SLIT2: variants seen among roughly 807,000 people sequenced by gnomAD.
The protein encoded by SLIT2 is slit guidance ligand 2, also known as slit homolog 2 protein.
Under a neutral mutation model 185.7 loss-of-function variants are expected in SLIT2, and 41 were observed. The ratio of observed to expected loss-of-function variants is 0.22; its 90% CI spans 0.17 to 0.29. The LOEUF is 0.29. Among genes scored for constraint, SLIT2 ranks in the 10% least tolerant of loss-of-function variants. The pLI is 1.00. For missense variants in SLIT2, 1,571 were observed against 1,909.0 expected (o/e 0.82, Z 3.30); for synonymous variants, 693 against 680.2 (o/e 1.02, Z -0.29).
intron 3 of SLIT2, among the ~76,000 whole-genome samples, chr4:20,266,562 A>T (rs1002868083): frequency 3.3e-5 from 5 of 152,026 alleles, no homozygotes; most frequent in African/African-American, 1.2e-4. Flanking sequence ...ATCTGTTCTC[A>T]TTCAGCATTT....
chr4:20,518,649 G>A (rs1205117509), intron 11 of SLIT2, among the ~76,000 whole-genome samples: 15 of 77,742 alleles, frequency 1.9e-4, no homozygotes, highest in African/African-American at 3.1e-4. Context: ...CTGTCGCCCA[G>A]GCTGGAGTGC....
intron 4 of SLIT2, among the ~76,000 whole-genome samples, chr4:20,396,640 G>C (rs970519585): frequency 1.3e-5 from 2 of 151,262 alleles, no homozygotes. Flanking sequence ...AGCAATTCAG[G>C]GTCCTCTGAG....
At chr4:20,530,297 TC>T in intron 16 of SLIT2, among the ~76,000 whole-genome samples, 1 of 149,914 alleles carries the variant, frequency 6.7e-6, no homozygotes, top group Non-Finnish European at 1.5e-5. Flanking sequence ...TGAGACAGAG[TC>T]TCACTATCTC....
intron 4 of SLIT2, among the ~76,000 whole-genome samples, chr4:20,420,117 T>G (rs1184197286): frequency 6.6e-6 from 1 of 152,210 alleles, no homozygotes; most frequent in Non-Finnish European, 1.5e-5. Context: ...TTTAGGCTCA[T>G]AGTTCATTGC....
intron 4 of SLIT2, among the ~76,000 whole-genome samples, chr4:20,427,939 C>T (rs949950006): frequency 6.6e-6 from 1 of 152,018 alleles, no homozygotes; most frequent in African/African-American, 2.4e-5. Context: ...AGAAGAAAAC[C>T]CATTTTGAGT....
rs746553643 is a variant in SLIT2 at position 20,307,406 on chromosome 4, G to A, written c.395+38525G>A. Reference sequence around the variant, plus strand: ...GCCTCCCACGTGGCTGACACTGCAGGAGCACACCACCACACTCGGATAAAT... The same window carrying A: ...GCCTCCCACGTGGCTGACACTGCAGAAGCACACCACCACACTCGGATAAAT... On this transcript the variant is annotated intron_variant, in intron 4 of 36. Transcript: ENST00000504154. 9.8e-4 allele frequency among the ~76,000 whole-genome samples: 149 copies of A among 151,518 alleles called. 1 individual carries two copies. In the Middle Eastern group the frequency reaches 0.01, roughly 10 times the overall value.
intron 9 of SLIT2, among the ~76,000 whole-genome samples, chr4:20,509,566 G>C (rs2148823794): frequency 6.6e-6 from 1 of 152,250 alleles, no homozygotes; most frequent in African/African-American, 2.4e-5. Flanking sequence ...AAATGAGCCT[G>C]GGATATATGG....
At chr4:20,352,722 G>C (rs1007445332) in intron 4 of SLIT2, among the ~76,000 whole-genome samples, 1 of 152,098 alleles carries the variant, frequency 6.6e-6, no homozygotes, top group African/African-American at 2.4e-5. Context: ...GATCACCCTG[G>C]CTCAACATGG....
At chr4:20,559,724 G>A (rs920544701) in intron 26 of SLIT2, among the ~76,000 whole-genome samples, 1 of 151,826 alleles carries the variant, frequency 6.6e-6, no homozygotes, top group East Asian at 1.9e-4. Flanking sequence ...GAGTTATTAA[G>A]CAATTTTTAA....
At chr4:20,462,318 T>C (rs1713817843) in intron 4 of SLIT2, among the ~76,000 whole-genome samples, 1 of 152,214 alleles carries the variant, frequency 6.6e-6, no homozygotes, top group Non-Finnish European at 1.5e-5. Context: ...CTTTGGAAAA[T>C]TCCGTAGTGT....
At chr4:20,509,159 A>G (rs1280750612) in intron 9 of SLIT2, among the ~76,000 whole-genome samples, 1 of 151,214 alleles carries the variant, frequency 6.6e-6, no homozygotes, top group East Asian at 1.9e-4. Flanking sequence ...ATATGTATAC[A>G]TACATATATA....
intron 4 of SLIT2, among the ~76,000 whole-genome samples, chr4:20,396,006 G>C (rs1053170647): frequency 6.6e-6 from 1 of 151,796 alleles, no homozygotes; most frequent in Admixed American, 6.6e-5. Flanking sequence ...TATACTATTA[G>C]TAGTAAATAT....
At chr4:20,303,435 A>G (rs1402739687) in intron 4 of SLIT2, among the ~76,000 whole-genome samples, 1 of 152,164 alleles carries the variant, frequency 6.6e-6, no homozygotes, top group East Asian at 1.9e-4. Context: ...GAGGTCTTAA[A>G]GCTAATATGG....
At chr4:20,525,080 A>G in intron 14 of SLIT2, 69 bp from the exon 15 acceptor site, 1 of 1,143,228 alleles carries the variant, frequency 8.7e-7, no homozygotes, top group South Asian at 1.2e-5. Context: ...TCTTAATCTA[A>G]TATAACTCAT....
At chr4:20,445,995 T>A (rs1577673595) in intron 4 of SLIT2, among the ~76,000 whole-genome samples, 1 of 152,310 alleles carries the variant, frequency 6.6e-6, no homozygotes, top group South Asian at 2.1e-4. Flanking sequence ...AAAGCACTGT[T>A]CATTTCCTCT....
intron 4 of SLIT2, among the ~76,000 whole-genome samples, chr4:20,384,982 A>G (rs575039292): frequency 4.0e-4 from 61 of 152,212 alleles, no homozygotes; most frequent in African/African-American, 1.2e-3. Context: ...AGAACTTCCA[A>G]AATCTTTACA....
At chr4:20,511,593 T>TTTTTTTTTTTTTA (rs560002264) in intron 11 of SLIT2, among the ~76,000 whole-genome samples, 7 of 134,306 alleles carry the variant, frequency 5.2e-5, no homozygotes, top group South Asian at 2.4e-4. Context: ...GCTAATTTTT[T>TTTTTTTTTTTTTA]TTTTTTTTTT....
chr4:20,264,674 G>A lies in SLIT2; in HGVS notation c.324-4136G>A, dbSNP rs148802957. On this transcript the variant is annotated intron_variant, in intron 3 of 36. Transcript: ENST00000504154. ...GAGGTTGTTAAGAATCAGTGTTTCA[G>A]AGGCCAGTGGTGTTTTGTGCAATGC... Among the ~76,000 whole-genome samples, 20 of 152,012 alleles carry A rather than the reference G, an allele frequency of 1.3e-4. No homozygotes were observed. The East Asian group carries it at 3.9e-3, about 30-fold the overall frequency.
chr4:20,563,441 CAA>C (rs915031337), intron 26 of SLIT2, among the ~76,000 whole-genome samples: 4 of 151,802 alleles, frequency 2.6e-5, no homozygotes, highest in African/African-American at 9.7e-5. Context: ...AATGAAAGAA[CAA>C]AGAGAACCTC....
Sources: allele counts gnomAD v4.1 joint callset (sites outside exome capture counted in the v4.1 genomes callset), GRCh38; gene constraint gnomAD v4.1.1; transcripts MANE v1.5; gene names NCBI Gene and HGNC (gene_info 2026-07-23, HGNC 2026-07-21).